The following VPS50 variants were observed in gnomAD, a reference collection of about 807,000 sequenced individuals.
The protein encoded by VPS50 is syndetin.
Under a neutral mutation model 139.7 loss-of-function variants are expected in VPS50, and 70 were observed. The observed-to-expected ratio is 0.50, with a 90% CI of 0.41 to 0.61. The LOEUF is 0.61. Among genes scored for constraint, VPS50 ranks in the 20% least tolerant of loss-of-function variants. The pLI, the probability that VPS50 is intolerant of heterozygous loss-of-function variation, is 0.00. For synonymous variants in VPS50, 365 were observed against 376.7 expected, an observed-to-expected ratio of 0.97 and a Z score of 0.36; for missense variants, 921 against 1,133.7, an observed-to-expected ratio of 0.81 and a Z score of 2.69.
Position 93,355,954 on chromosome 7 carries a change from G to C in VPS50, c.2649G>C (p.Gln883His), listed in dbSNP as rs1206524893. The C allele has an allele frequency of 1.9e-6, 3 of 1,603,628 alleles. No homozygotes were observed. Among genetic ancestry groups the C allele is most frequent in the Admixed American group, 1.7e-5 (1 of 59,794 alleles). The change falls in exon 27 of 28, where the codon CAG becomes CAC. Residue 883 changes from glutamine to histidine, a missense_variant. Coordinates refer to ENST00000305866, the MANE Select transcript of VPS50 (RefSeq NM_017667.4). Reference sequence around the variant, plus strand: ...CCCTGATGCAATTGGATTTTCAACAGTTTTTAATGAAACTTGAAAAACTAA... The same window carrying C: ...CCCTGATGCAATTGGATTTTCAACACTTTTTAATGAAACTTGAAAAACTAA... ...GRALMQLDFQ[Q>H]FLMKLEKLTD...
At chr7:93,326,577 A>G (rs1230880789) in intron 21 of VPS50, among the ~76,000 whole-genome samples, 1 of 151,958 alleles carries the variant, frequency 6.6e-6, no homozygotes, top group East Asian at 1.9e-4. Flanking sequence ...CTGCCGTAGA[A>G]TTAATGTTTT....
chr7:93,338,607 T>A (rs79908699), intron 22 of VPS50, among the ~76,000 whole-genome samples: 2 of 152,160 alleles, frequency 1.3e-5, no homozygotes, highest in Admixed American at 6.5e-5. Flanking sequence ...TCCCTACCCA[T>A]GTAGAGTTTA....
intron 17 of VPS50, among the ~76,000 whole-genome samples, chr7:93,304,732 C>T (rs1314388911): frequency 6.6e-6 from 1 of 151,856 alleles, no homozygotes; most frequent in African/African-American, 2.4e-5. Flanking sequence ...GCATTCCCAT[C>T]TAGGTGAACA....
Position 93,276,293 on chromosome 7 carries a change from G to A in VPS50, c.930G>A (p.Lys310=). 6.2e-7 allele frequency: 1 copy of A among 1,612,980 alleles called. No homozygotes were observed. ...TDTKFQKLQY[K]DLCTHVTPDS... ...CAAAATTCCAAAAGCTGCAATATAAGGATCTCTGTACAGTATGTAGTGACT... is the reference window on the plus strand; with the variant it reads ...CAAAATTCCAAAAGCTGCAATATAAAGATCTCTGTACAGTATGTAGTGACT... The change falls in exon 12 of 28, where the codon AAG becomes AAA. Residue 310 remains lysine, a synonymous_variant. Coordinates refer to ENST00000305866, the MANE Select transcript of VPS50 (RefSeq NM_017667.4).
At chr7:93,306,336 T>C (rs1797115707) in intron 18 of VPS50, among the ~76,000 whole-genome samples, 1 of 151,962 alleles carries the variant, frequency 6.6e-6, no homozygotes, top group Non-Finnish European at 1.5e-5. Context: ...TATTGTGAGA[T>C]GACGGAATAG....
At chr7:93,323,359 G>A (rs914964903) in intron 20 of VPS50, 2 of 159,586 alleles carry the variant, frequency 1.3e-5, no homozygotes, top group African/African-American at 2.4e-5. Context: ...AAATATCATT[G>A]TATTATTTAT....
At chr7:93,294,926 T>C (rs1235565073) in intron 14 of VPS50, among the ~76,000 whole-genome samples, 3 of 151,962 alleles carry the variant, frequency 2.0e-5, no homozygotes, top group Non-Finnish European at 4.4e-5. Flanking sequence ...AAATGTATGC[T>C]TTCTCAGTGA....
chr7:93,358,489 C>T lies in VPS50; in HGVS notation c.*53C>T, dbSNP rs1264507743. The T allele has an allele frequency of 2.7e-6, 4 of 1,509,082 alleles. No homozygotes were observed. The African/African-American group carries it at 4.2e-5, about 16-fold the overall frequency. The allele number at this position is 1,509,082 out of a possible 1,614,324, so 93.5% of individuals were successfully genotyped here. ...ATTGATCCTCACTCAACATATATGA[C>T]CTGAAAGCCAGTTTTTTTATGCACT... On this transcript the variant is annotated 3_prime_UTR_variant, in exon 28 of 28. Transcript: ENST00000305866.
rs1380985959 is a variant in VPS50 at position 93,297,336 on chromosome 7, CAATT to C, written c.1361+95_1361+98del. 5.3e-5 allele frequency: 66 copies of C among 1,250,462 alleles called. No homozygotes were observed. In the South Asian group the frequency reaches 5.8e-4, roughly 11 times the overall value. The allele number at this position is 1,250,462 out of a possible 1,614,324, so 77.5% of individuals were successfully genotyped here. A position where few individuals can be genotyped will look rare whatever the true frequency, so the allele number is the denominator to read the frequency against. ...TCTTATAGCATTAATTGATTTTAAACAATTACTTTTGAATTTGAATGTGTTGTAG... is the reference window on the plus strand; with the variant it reads ...TCTTATAGCATTAATTGATTTTAAACACTTTTGAATTTGAATGTGTTGTAG... On this transcript the variant is annotated intron_variant, in intron 16 of 27. Transcript: ENST00000305866.
At chr7:93,266,933 A>C (rs1021084481) in intron 9 of VPS50, among the ~76,000 whole-genome samples, 1 of 152,142 alleles carries the variant, frequency 6.6e-6, no homozygotes, top group Non-Finnish European at 1.5e-5. Flanking sequence ...CCAATTTTTG[A>C]TTTATAGATT....
In VPS50 at chr7:93,299,225, A is replaced by G. The variant is rs543488242; in HGVS notation, c.1361+1982A>G. ...TTGGTAAAGTTGGTGCAAACCATCAATGTGTTCTAAGGTATATTTGTTTCT... is the reference window on the plus strand; with the variant it reads ...TTGGTAAAGTTGGTGCAAACCATCAGTGTGTTCTAAGGTATATTTGTTTCT... On this transcript the variant is annotated intron_variant, in intron 16 of 27. Transcript: ENST00000305866. Among the ~76,000 whole-genome samples, 84 of 152,360 alleles carry G rather than the reference A, an allele frequency of 5.5e-4. 2 individuals are homozygous for G. In the South Asian group the frequency reaches 0.016, roughly 30 times the overall value.
At chr7:93,301,237 C>G (rs1796965521) in intron 16 of VPS50, among the ~76,000 whole-genome samples, 1 of 150,354 alleles carries the variant, frequency 6.7e-6, no homozygotes, top group African/African-American at 2.5e-5. Flanking sequence ...GCAGAGGTTG[C>G]AGTGAGCCAA....
At chr7:93,283,250 C>T (rs1458887972) in intron 12 of VPS50, among the ~76,000 whole-genome samples, 4 of 144,384 alleles carry the variant, frequency 2.8e-5, no homozygotes, top group Non-Finnish European at 6.0e-5. Flanking sequence ...TTTTTTGAGG[C>T]GGAGTCTCCC....
At chr7:93,308,979 A>G (rs1349664081) in intron 19 of VPS50, 37 bp downstream of exon 19, 5 of 1,093,740 alleles carry the variant, frequency 4.6e-6, no homozygotes, top group Non-Finnish European at 7.0e-6. Context: ...TTAGCATTTT[A>G]TCTTGTGCTC....
chr7:93,346,990 T>G (rs1353152240), intron 23 of VPS50, among the ~76,000 whole-genome samples: 2 of 140,282 alleles, frequency 1.4e-5, no homozygotes, highest in Non-Finnish European at 3.1e-5. Flanking sequence ...CTAATTAAAC[T>G]AAAGAGCTTC....
chr7:93,356,043 C>G lies in VPS50; in HGVS notation c.2738C>G (p.Thr913Ser). 1 of 1,544,406 alleles carries G rather than the reference C, an allele frequency of 6.5e-7. No homozygotes were observed. Among genetic ancestry groups the G allele is most frequent in the Non-Finnish European group, 8.8e-7 (1 of 1,131,292 alleles). The change falls in exon 27 of 28, where the codon ACT becomes AGT. Residue 913 changes from threonine to serine, a missense_variant. Physicochemically the swap from Thr to Ser is moderately conservative, Grantham distance 58 (BLOSUM62 1). Around this residue, in one of 3 missense-constraint regions of VPS50, gnomAD observed 158 missense variants for 156.3 expected, o/e 1.01. Transcript: ENST00000305866. ...VETYIKAYYL[T>S]ENDMERWIKE... ...ACTTATATTAAAGCTTATTACCTAACTGAGAATGACATGGAACGGTGGATC... is the reference window on the plus strand; with the variant it reads ...ACTTATATTAAAGCTTATTACCTAAGTGAGAATGACATGGAACGGTGGATC...
chr7:93,271,014 C>G (rs1795988685), intron 9 of VPS50: 1 of 641,350 alleles, frequency 1.6e-6, no homozygotes, highest in Non-Finnish European at 2.2e-6. Context: ...TCTACTCACG[C>G]AATCCTGTTG....
intron 21 of VPS50, 78 bp downstream of exon 21, chr7:93,323,810 A>G (rs1469301652): frequency 1.0e-5 from 7 of 683,234 alleles, no homozygotes; most frequent in Middle Eastern, 4.4e-4. Flanking sequence ...CATTCTCTCT[A>G]TAGAAGATAC....
chr7:93,334,871 C>T (rs1562892750), intron 22 of VPS50, among the ~76,000 whole-genome samples: 1 of 152,064 alleles, frequency 6.6e-6, no homozygotes. Flanking sequence ...TCACTGTAGC[C>T]GGAAATTTAT....
Sources: gnomAD v4.1 joint callset for allele counts (sites outside exome capture counted in the v4.1 genomes callset) on GRCh38, gnomAD v4.1.1 for gene constraint, gnomAD v4.1.1 regional missense constraint, MANE v1.5 for transcripts, NCBI Gene and HGNC (gene_info 2026-07-23, HGNC 2026-07-21) for gene names.